Variants in PCDH15 observed in about 807,000 individuals in gnomAD.
PCDH15 encodes protocadherin-15.
In PCDH15, 129 loss-of-function variants were observed where a neutral mutation model predicts 178.5. The observed-to-expected ratio is 0.72, with a 90% CI of 0.63 to 0.84. The LOEUF (loss-of-function observed/expected upper bound fraction) is 0.84, where lower values mean the gene tolerates loss of function less well. Ranked by LOEUF, PCDH15 falls within the 40% of genes least tolerant of loss-of-function variation. PCDH15 has a pLI of 0.00. For missense variants in PCDH15, 2,230 were observed against 2,099.9 expected (o/e 1.06, Z -1.21); for synonymous variants, 800 against 732.0 (o/e 1.09, Z -1.50).
At chr10:54,022,037 T>C (rs1029164423) in intron 19 of PCDH15, among the ~76,000 whole-genome samples, 31 of 152,160 alleles carry the variant, frequency 2.0e-4, no homozygotes, top group African/African-American at 7.5e-4. Flanking sequence ...TATTGCTGAG[T>C]TCAATTATGG....
intron 31 of PCDH15, 56 bp from the exon 32 acceptor site, chr10:53,827,604 CA>C: frequency 6.3e-7 from 1 of 1,594,624 alleles, no homozygotes; most frequent in Non-Finnish European, 8.6e-7. Flanking sequence ...TAATGCTTAT[CA>C]ATAAGCCACC....
chr10:54,096,041 G>A (rs1225909732), intron 15 of PCDH15, among the ~76,000 whole-genome samples: 1 of 151,998 alleles, frequency 6.6e-6, no homozygotes, highest in Admixed American at 6.6e-5. Context: ...TCTCTGGAGA[G>A]CACTACAATC....
At chr10:55,618,015 G>C (rs964217815) in intron 2 of PCDH15, among the ~76,000 whole-genome samples, 3 of 151,986 alleles carry the variant, frequency 2.0e-5, no homozygotes, top group Non-Finnish European at 2.9e-5. Flanking sequence ...ATAAAATATA[G>C]TGTTTATAGA....
At chr10:55,561,152 C>A (rs1229158391) in intron 2 of PCDH15, among the ~76,000 whole-genome samples, 1 of 151,654 alleles carries the variant, frequency 6.6e-6, no homozygotes, top group South Asian at 2.1e-4. Flanking sequence ...AGAAATTAAT[C>A]TTCAGAAAGA....
chr10:54,906,202 C>T (rs1419426851), intron 2 of PCDH15, among the ~76,000 whole-genome samples: 2 of 152,020 alleles, frequency 1.3e-5, no homozygotes, highest in African/African-American at 4.8e-5. Context: ...ATTGATACTT[C>T]CAGAATATTA....
intron 2 of PCDH15, among the ~76,000 whole-genome samples, chr10:54,609,801 T>A (rs963275990): frequency 2.6e-5 from 4 of 152,016 alleles, no homozygotes; most frequent in African/African-American, 9.7e-5. Context: ...TAAATATCTA[T>A]AGAAAGTAAA....
intron 8 of PCDH15, among the ~76,000 whole-genome samples, chr10:54,239,324 G>A (rs1484422114): frequency 6.6e-6 from 1 of 151,560 alleles, no homozygotes; most frequent in Non-Finnish European, 1.5e-5. Flanking sequence ...TATAAGCAAT[G>A]TAAAAACTAA....
At chr10:54,531,718 C>T (rs2083945389) in intron 2 of PCDH15, among the ~76,000 whole-genome samples, 2 of 152,054 alleles carry the variant, frequency 1.3e-5, no homozygotes, top group South Asian at 2.1e-4. Context: ...ATAGTAATTG[C>T]CCTTATATGT....
intron 2 of PCDH15, among the ~76,000 whole-genome samples, chr10:55,149,268 A>G (rs1223260228): frequency 6.6e-6 from 1 of 151,546 alleles, no homozygotes; most frequent in Non-Finnish European, 1.5e-5. Flanking sequence ...AAATATTCAA[A>G]TACTTAAAAA....
chr10:54,514,290 T>C, intron 3 of PCDH15, among the ~76,000 whole-genome samples: 1 of 152,204 alleles, frequency 6.6e-6, no homozygotes, highest in Middle Eastern at 3.4e-3. Flanking sequence ...AACATATATA[T>C]AATTATAATA....
rs565171022 is a variant in PCDH15, at chr10:54,934,773, T to G, written c.-79-37273A>C. 8.7e-3 allele frequency among the ~76,000 whole-genome samples: 1,316 copies of G among 151,864 alleles called. 15 individuals carry two copies. The highest frequency in any genetic ancestry group is 0.03 in the African/African-American group (1,222 of 41,366). On this transcript the variant is annotated intron_variant, in intron 2 of 5. Coordinates refer to the PCDH15 transcript ENST00000458638. Reference sequence around the variant, plus strand: ...TAAATCATGCTGCTTTAAAGACACATGCACACGTATGTTTATTGCGGCACT... The same window carrying G: ...TAAATCATGCTGCTTTAAAGACACAGGCACACGTATGTTTATTGCGGCACT...
At chr10:54,649,167 G>A (rs1031916132) in intron 2 of PCDH15, among the ~76,000 whole-genome samples, 1 of 152,124 alleles carries the variant, frequency 6.6e-6, no homozygotes, top group Non-Finnish European at 1.5e-5. Flanking sequence ...CAAATACTCA[G>A]AAAGGCAGCT....
intron 3 of PCDH15, among the ~76,000 whole-genome samples, chr10:54,521,397 C>T (rs2082847776): frequency 6.6e-6 from 1 of 152,058 alleles, no homozygotes; most frequent in African/African-American, 2.4e-5. Flanking sequence ...ATGCTCACTC[C>T]TTGCCTGTCC....
At chr10:55,423,864 T>C (rs1326483091) in intron 2 of PCDH15, among the ~76,000 whole-genome samples, 1 of 152,154 alleles carries the variant, frequency 6.6e-6, no homozygotes, top group Non-Finnish European at 1.5e-5. Context: ...TCTTCATTTT[T>C]AAAATGTAAG....
intron 2 of PCDH15, among the ~76,000 whole-genome samples, chr10:55,490,332 A>G (rs1404851372): frequency 6.6e-6 from 1 of 151,794 alleles, no homozygotes; most frequent in Non-Finnish European, 1.5e-5. Flanking sequence ...AGTTCCACAA[A>G]GAGCTTCAGA....
chr10:53,859,760 G>C (rs2078982188), intron 27 of PCDH15, among the ~76,000 whole-genome samples: 1 of 152,094 alleles, frequency 6.6e-6, no homozygotes, highest in African/African-American at 2.4e-5. Flanking sequence ...GTGTCAGGCT[G>C]TATATACCAG....
chr10:54,123,351 T>C (rs2041719928), intron 15 of PCDH15, among the ~76,000 whole-genome samples: 1 of 151,822 alleles, frequency 6.6e-6, no homozygotes, highest in African/African-American at 2.4e-5. Context: ...CATCAAAAAA[T>C]GAGTAAAAGA....
chr10:54,579,240 T>G (rs2133757312), intron 2 of PCDH15, among the ~76,000 whole-genome samples: 1 of 152,210 alleles, frequency 6.6e-6, no homozygotes, highest in South Asian at 2.1e-4. Context: ...ATCTGCTGTC[T>G]TCAAGAGACA....
Position 54,729,512 on chromosome 10 carries a change from G to A in PCDH15, c.-28-65222C>T, listed in dbSNP as rs141499193. Among the ~76,000 whole-genome samples the A allele has an allele frequency of 7.3e-5, 11 of 151,562 alleles. No individual in the cohort carries two copies. The East Asian group carries it at 1.2e-3, about 16-fold the overall frequency. The stretch of plus-strand genomic sequence containing the variant: ...TCCCTGGCAAGGATTTTATGACTAC[G>A]ACTACAAAAGCAATTGCAATAAAAA... On this transcript the variant is annotated intron_variant, in intron 1 of 37. Transcript: ENST00000644397.
Sources: allele counts gnomAD v4.1 joint callset (sites outside exome capture counted in the v4.1 genomes callset), GRCh38; gene constraint gnomAD v4.1.1; transcripts MANE v1.5; gene names NCBI Gene and HGNC (gene_info 2026-07-23, HGNC 2026-07-21).